Variants in DLGAP5 observed in about 807,000 individuals in gnomAD.
DLGAP5 encodes DLG associated protein 5.
Under a neutral mutation model 99.6 loss-of-function variants are expected in DLGAP5, and 90 were observed. The observed-to-expected ratio is 0.90, with a 90% CI of 0.76 to 1.08. The LOEUF (loss-of-function observed/expected upper bound fraction) is 1.08. Ranked by LOEUF, DLGAP5 falls within the 50% of genes least tolerant of loss-of-function variation. The pLI, the probability that DLGAP5 is intolerant of heterozygous loss-of-function variation, is 0.00. For missense variants in DLGAP5, 1,036 were observed against 983.5 expected, an observed-to-expected ratio of 1.05 and a Z score of -0.71; for synonymous variants, 311 against 321.3, an observed-to-expected ratio of 0.97 and a Z score of 0.34.
intron 10 of DLGAP5, among the ~76,000 whole-genome samples, chr14:55,171,268 T>C (rs1016671652): frequency 2.0e-5 from 3 of 152,194 alleles, no homozygotes; most frequent in African/African-American, 7.2e-5. Flanking sequence ...CTGGGTCAAT[T>C]TTGCCCCATT....
At chr14:55,150,737 C>G in intron 18 of DLGAP5, 62 bp downstream of exon 18, 1 of 1,219,194 alleles carries the variant, frequency 8.2e-7, no homozygotes, top group South Asian at 1.4e-5. Context: ...AATAGAAAAG[C>G]AATATTCATT....
intron 2 of DLGAP5, among the ~76,000 whole-genome samples, 176 bp from the exon 3 acceptor site, chr14:55,183,929 G>A (rs1253670148): frequency 6.6e-6 from 1 of 152,164 alleles, no homozygotes; most frequent in Non-Finnish European, 1.5e-5. Flanking sequence ...GAGGAGGGCG[G>A]ATCATCTGAG....
chr14:55,185,224 G>C (rs1883392825), intron 2 of DLGAP5, among the ~76,000 whole-genome samples: 1 of 152,170 alleles, frequency 6.6e-6, no homozygotes, highest in Non-Finnish European at 1.5e-5. Context: ...ATTTGAGGCA[G>C]AGTCTCGCAC....
chr14:55,156,428 A>C (rs1882219508), intron 14 of DLGAP5, among the ~76,000 whole-genome samples: 1 of 152,220 alleles, frequency 6.6e-6, no homozygotes, highest in Non-Finnish European at 1.5e-5. Context: ...TTCTTCCCCT[A>C]CATGGCTCCT....
rs2140305559 is a variant in DLGAP5 at position 55,154,724 on chromosome 14, A to G, written c.1956T>C (p.Asn652=). The change falls in exon 15 of 19, where the codon AAT becomes AAC. Residue 652 remains asparagine, a synonymous_variant. Coordinates refer to ENST00000247191, the MANE Select transcript of DLGAP5 (RefSeq NM_014750.5). ...TAGTTTGTTGTGGAATGCCCATCTCATTTCTACTCTGAGATACAGCTTTGT... is the reference window on the plus strand; with the variant it reads ...TAGTTTGTTGTGGAATGCCCATCTCGTTTCTACTCTGAGATACAGCTTTGT... ...SVNKAVSQSR[N]EMGIPQQTTS... 1 of 1,614,108 alleles carries G rather than the reference A, an allele frequency of 6.2e-7. No individual in the cohort carries two copies. The highest frequency in any genetic ancestry group is 1.1e-5 in the South Asian group (1 of 91,082).
rs764335998 is a variant in DLGAP5, at chr14:55,151,901, C to T, written c.2162G>A (p.Ser721Asn). Residue 721 changes from serine to asparagine, a missense_variant, in exon 17 of 19, where the codon AGT (serine) becomes AAT (asparagine). By Grantham distance (46) the Ser-to-Asn change is conservative. Transcript: ENST00000247191. ...AAGAAGAGGCAAACTCATTCTCTCACTGGATAAACAATCCACCTTCAAGTC... is the reference window on the plus strand; with the variant it reads ...AAGAAGAGGCAAACTCATTCTCTCATTGGATAAACAATCCACCTTCAAGTC... ...KTDLKVDCLS[S>N]ERMSLPLLAG... is the part of the protein sequence containing the mutation. The T allele has an allele frequency of 6.2e-7, 1 of 1,613,892 alleles. No homozygotes were observed. The highest frequency in any genetic ancestry group is 1.7e-5 in the Admixed American group (1 of 60,006).
chr14:55,151,513 G>A (rs912323521), intron 17 of DLGAP5, among the ~76,000 whole-genome samples, 182 bp downstream of exon 17: 2 of 95,344 alleles, frequency 2.1e-5, no homozygotes, highest in Non-Finnish European at 4.1e-5. Context: ...AACAGAGTGA[G>A]ACTCCATCTC....
At chr14:55,156,566 G>A (rs1004638942) in intron 14 of DLGAP5, among the ~76,000 whole-genome samples, 2 of 152,070 alleles carry the variant, frequency 1.3e-5, no homozygotes, top group South Asian at 2.1e-4. Flanking sequence ...TAATGGCCCC[G>A]CTAACAGAAG....
At position 55,163,055 on chromosome 14, in the gene DLGAP5, T is replaced by G; in HGVS notation, c.1569A>C (p.Lys523Asn). The part of the protein sequence containing the change: ...VSFQIEDVIH[K>N]FNNLIKLEES... ...CCTCAAGTTTGATCAGATTGTTGAATTTGTGGATTACATCTTCTATCTGTT... is the reference window on the plus strand; with the variant it reads ...CCTCAAGTTTGATCAGATTGTTGAAGTTGTGGATTACATCTTCTATCTGTT... The change falls in exon 13 of 19, where the codon AAA (lysine) becomes AAC (asparagine). Residue 523 changes from lysine to asparagine, a missense_variant. Coordinates refer to ENST00000247191, the MANE Select transcript of DLGAP5 (RefSeq NM_014750.5). 6.3e-7 allele frequency: 1 copy of G among 1,597,986 alleles called. No individual in the cohort carries two copies. The highest frequency in any genetic ancestry group is 8.5e-7 in the Non-Finnish European group (1 of 1,171,856).
Position 55,158,561 on chromosome 14 carries a change from C to T in DLGAP5, c.1834G>A (p.Gly612Arg). ...KEVDKIVFDAGFFRVESPVKL... is the reference protein window; with the variant it reads ...KEVDKIVFDARFFRVESPVKL... ...ACAGGACTTTCAACTCTGAAAAATC[C>T]AGCATCGAACACTATTTTATCAACT... Residue 612 changes from glycine (G) to arginine (R), a missense_variant, in exon 14 of 19, where the codon GGA becomes AGA. Coordinates refer to ENST00000247191, the MANE Select transcript of DLGAP5 (RefSeq NM_014750.5). 1 of 1,613,938 alleles carries T rather than the reference C, an allele frequency of 6.2e-7. No individual in the cohort carries two copies. Among genetic ancestry groups the T allele is most frequent in the Non-Finnish European group, 8.5e-7 (1 of 1,179,936 alleles).
chr14:55,156,488 T>C (rs1054698274), intron 14 of DLGAP5, among the ~76,000 whole-genome samples: 2 of 152,214 alleles, frequency 1.3e-5, no homozygotes, highest in Non-Finnish European at 2.9e-5. Context: ...ATGGAAAGCA[T>C]CTTCTCTGGG....
chr14:55,185,285 G>A (rs971353730), intron 2 of DLGAP5, among the ~76,000 whole-genome samples: 14 of 151,980 alleles, frequency 9.2e-5, no homozygotes, highest in Non-Finnish European at 1.9e-4. Context: ...ATGCATCCTC[G>A]GCCTCCCGGG....
chr14:55,174,043 G>T (rs924656771), intron 10 of DLGAP5, among the ~76,000 whole-genome samples: 1 of 152,154 alleles, frequency 6.6e-6, no homozygotes, highest in African/African-American at 2.4e-5. Flanking sequence ...CCGGTGAGCC[G>T]GGCGGAACAG....
rs116204443 is a variant in DLGAP5, at chr14:55,154,199, T to C, written c.2063+418A>G. 7.0e-3 allele frequency among the ~76,000 whole-genome samples: 1,059 copies of C among 152,262 alleles called. 13 individuals carry two copies. The highest frequency in any genetic ancestry group is 0.024 in the African/African-American group (1,003 of 41,540). ...TTTCTACAAAGCCTGGTAAAAAGTG[T>C]CCATCTCTCAACCACCTTGGGGAGG... On this transcript the variant is annotated intron_variant, in intron 15 of 18. Coordinates refer to ENST00000247191, the MANE Select transcript of DLGAP5 (RefSeq NM_014750.5).
chr14:55,190,108 G>C (rs1883559339), intron 1 of DLGAP5, among the ~76,000 whole-genome samples: 1 of 152,092 alleles, frequency 6.6e-6, no homozygotes, highest in African/African-American at 2.4e-5. Context: ...AACCCTATCA[G>C]TTTGCTCCAT....
intron 18 of DLGAP5, among the ~76,000 whole-genome samples, chr14:55,149,396 C>T (rs78815127): frequency 0.011 from 1,701 of 152,272 alleles, 32 homozygotes; most frequent in African/African-American, 0.039. Flanking sequence ...TAACACATTT[C>T]ATTCTGCTCC....
In DLGAP5 at chr14:55,172,592, C is replaced by G. The variant is rs181797295; in HGVS notation, c.1302-1805G>C. 1.3e-3 allele frequency among the ~76,000 whole-genome samples: 200 copies of G among 151,948 alleles called. 1 individual carries two copies. The highest frequency in any genetic ancestry group is 4.8e-3 in the African/African-American group (197 of 41,452). The stretch of plus-strand genomic sequence containing the variant: ...TGAGCCAAGAGCGAGACACTGCACT[C>G]CAGCCTGGGTGACAGAGTGAGACCC... On this transcript the variant is annotated intron_variant, in intron 10 of 18. Coordinates refer to ENST00000247191, the MANE Select transcript of DLGAP5 (RefSeq NM_014750.5).
intron 7 of DLGAP5, among the ~76,000 whole-genome samples, chr14:55,178,079 CG>C (rs1883144605): frequency 6.6e-6 from 1 of 151,352 alleles, no homozygotes; most frequent in Admixed American, 6.6e-5. Context: ...AGCAAAACCC[CG>C]TCTTTGCTAA....
At chr14:55,165,800 T>C (rs1171613354) in intron 12 of DLGAP5, among the ~76,000 whole-genome samples, 1 of 152,180 alleles carries the variant, frequency 6.6e-6, no homozygotes, top group Non-Finnish European at 1.5e-5. Flanking sequence ...ATGAATGTGG[T>C]CTCTCCTCCC....
Sources: gnomAD v4.1 joint callset for allele counts (sites outside exome capture counted in the v4.1 genomes callset) on GRCh38, gnomAD v4.1.1 for gene constraint, MANE v1.5 for transcripts, NCBI Gene and HGNC (gene_info 2026-07-23, HGNC 2026-07-21) for gene names.